The following ERCC6L2 variants were observed in gnomAD, a reference collection of about 807,000 sequenced individuals.
ERCC6L2 encodes the protein DNA excision repair protein ERCC-6-like 2.
ERCC6L2 carries 77 observed loss-of-function variants against 132.0 expected under a neutral mutation model. The ratio of observed to expected loss-of-function variants is 0.58; its 90% CI spans 0.49 to 0.71. The LOEUF (loss-of-function observed/expected upper bound fraction) is 0.71, where lower values mean the gene tolerates loss of function less well. ERCC6L2 is among the 30% of genes least tolerant of loss of function. ERCC6L2 has a pLI of 0.00. For missense variants in ERCC6L2, 1,542 were observed against 1,837.6 expected (o/e 0.84, Z 2.94); for synonymous variants, 583 against 632.4 (o/e 0.92, Z 1.17).
At chr9:95,933,934 C>T (rs1285559992) in intron 11 of ERCC6L2, among the ~76,000 whole-genome samples, 1 of 151,486 alleles carries the variant, frequency 6.6e-6, no homozygotes, top group African/African-American at 2.4e-5. Flanking sequence ...ATAGTAGATG[C>T]TCAATAAAGG....
chr9:95,975,648 G>A (rs1832637145), intron 16 of ERCC6L2, among the ~76,000 whole-genome samples: 1 of 151,780 alleles, frequency 6.6e-6, no homozygotes, highest in Non-Finnish European at 1.5e-5. Context: ...TTGTACCAGT[G>A]TTTTTAGTTA....
chr9:95,903,695 AAGTT>A (rs1240613725), intron 3 of ERCC6L2, among the ~76,000 whole-genome samples: 5 of 152,246 alleles, frequency 3.3e-5, no homozygotes, highest in African/African-American at 1.2e-4. Flanking sequence ...TGTCAGTGCT[AAGTT>A]AGGACTAATA....
At position 96,017,280 on chromosome 9, in the gene ERCC6L2, C is replaced by T. The variant is rs888566460; in HGVS notation, c.*4077C>T. 6.6e-6 allele frequency among the ~76,000 whole-genome samples: 1 copy of T among 152,108 alleles called. No individual in the cohort carries two copies. Among genetic ancestry groups the T allele is most frequent in the Non-Finnish European group, 1.5e-5 (1 of 68,004 alleles). On this transcript the variant is annotated 3_prime_UTR_variant, in exon 19 of 19. Coordinates refer to ENST00000653738, the MANE Select transcript of ERCC6L2 (RefSeq NM_020207.7). ...TGGTATTTGTTGCAGGAGGGAAGAA[C>T]ATCTCACTTTTGCTTGGCTAAAGGG...
At position 96,004,106 on chromosome 9, in the gene ERCC6L2, A is replaced by T. The variant is rs565762763; in HGVS notation, c.3493-414A>T. On this transcript the variant is annotated intron_variant, in intron 17 of 18. Coordinates refer to ENST00000653738, the MANE Select transcript of ERCC6L2 (RefSeq NM_020207.7). Reference sequence around the variant, plus strand: ...TATTACATAAAGATTGGTATTTTTTACATGTCTCCATTAATGAAATTAGAC... The same window carrying T: ...TATTACATAAAGATTGGTATTTTTTTCATGTCTCCATTAATGAAATTAGAC... Among the ~76,000 whole-genome samples, 113 of 152,332 alleles carry T rather than the reference A, an allele frequency of 7.4e-4. 1 individual carries two copies. Among genetic ancestry groups the T allele is most frequent in the Non-Finnish European group, 1.3e-3 (90 of 68,024 alleles).
rs769099334 is a variant in ERCC6L2 at position 95,972,316 on chromosome 9, A to T, written c.2565A>T (p.Leu855=). 1 of 1,294,288 alleles carries T rather than the reference A, an allele frequency of 7.7e-7. No homozygotes were observed. The highest frequency in any genetic ancestry group is 1.3e-5 in the South Asian group (1 of 78,606). The allele number at this position is 1,294,288 out of a possible 1,614,324, so 80.2% of individuals were successfully genotyped here. A position where few individuals can be genotyped will look rare whatever the true frequency, so the allele number is the denominator to read the frequency against. ...AACATCAGAAATTAGATAACATCCT[A>T]AATCCAAAAGAAAAGCATATTTTTT... ...TSKHQKLDNI[L]NPKEKHIFYK... Residue 855 remains leucine, a synonymous_variant, in exon 16 of 19, where the codon CTA becomes CTT. Transcript: ENST00000653738.
chr9:95,954,935 G>C, intron 12 of ERCC6L2: 1 of 467,846 alleles, frequency 2.1e-6, no homozygotes, highest in South Asian at 1.6e-5. Flanking sequence ...AAAGGAGGCA[G>C]AGAGAACATC....
At chr9:95,935,693 T>C (rs1196703946) in intron 11 of ERCC6L2, among the ~76,000 whole-genome samples, 1 of 152,170 alleles carries the variant, frequency 6.6e-6, no homozygotes, top group African/African-American at 2.4e-5. Flanking sequence ...AATGTTTTGG[T>C]CACTTGTGGT....
chr9:95,973,430 A>G (rs1287656247), intron 16 of ERCC6L2, among the ~76,000 whole-genome samples: 1 of 152,154 alleles, frequency 6.6e-6, no homozygotes, highest in Non-Finnish European at 1.5e-5. Context: ...ATCTGTTTTC[A>G]TGCTGCTGAT....
chr9:95,911,136 C>G (rs1002764280), intron 4 of ERCC6L2, among the ~76,000 whole-genome samples: 1 of 152,162 alleles, frequency 6.6e-6, no homozygotes, highest in African/African-American at 2.4e-5. Context: ...CTCAAGTGAT[C>G]CTCCCACCTC....
chr9:95,901,032 C>T (rs1828746754), intron 3 of ERCC6L2, among the ~76,000 whole-genome samples: 2 of 151,338 alleles, frequency 1.3e-5, no homozygotes, highest in South Asian at 4.2e-4. Flanking sequence ...CATGACTGTG[C>T]CACTGCACTC....
In ERCC6L2 at chr9:95,972,589, A is replaced by C. The variant is rs1206188599; in HGVS notation, c.2838A>C (p.Arg946=). 1 of 1,289,684 alleles carries C rather than the reference A, an allele frequency of 7.8e-7. No homozygotes were observed. Among genetic ancestry groups the C allele is most frequent in the East Asian group, 5.6e-5 (1 of 18,012 alleles). The allele number at this position is 1,289,684 out of a possible 1,614,324, so 79.9% of individuals were successfully genotyped here. A position where few individuals can be genotyped will look rare whatever the true frequency, so the allele number is the denominator to read the frequency against. ...TVKTRNNDNS[R]NTDDKRNGII... ...AAACAAGAAATAATGATAATAGTCG[A>C]AACACTGATGACAAAAGAAATGGAA... The change falls in exon 16 of 19, where the codon CGA becomes CGC. Residue 946 remains arginine (R), a synonymous_variant. Coordinates refer to ENST00000653738, the MANE Select transcript of ERCC6L2 (RefSeq NM_020207.7).
rs566739714 is a variant in ERCC6L2 at position 95,940,531 on chromosome 9, G to A, written c.1752-923G>A. ...ATGTTGTTTAGTTTCCAAGTGTGTGGAATTTATTTTGTTGTCCTCCTGAAA... is the reference window on the plus strand; with the variant it reads ...ATGTTGTTTAGTTTCCAAGTGTGTGAAATTTATTTTGTTGTCCTCCTGAAA... On this transcript the variant is annotated intron_variant, in intron 11 of 18. Transcript: ENST00000653738. Among the ~76,000 whole-genome samples, 26 of 152,094 alleles carry A rather than the reference G, an allele frequency of 1.7e-4. No homozygotes were observed. The East Asian group carries it at 4.3e-3, about 25-fold the overall frequency.
intron 17 of ERCC6L2, among the ~76,000 whole-genome samples, chr9:96,002,601 T>C (rs894239044): frequency 2.6e-5 from 4 of 152,046 alleles, no homozygotes; most frequent in African/African-American, 4.8e-5. Context: ...TTTGTATTTT[T>C]TTTTGTAGAG....
intron 17 of ERCC6L2, among the ~76,000 whole-genome samples, chr9:95,988,546 A>T (rs17396553): frequency 0.088 from 13,373 of 152,298 alleles, 668 homozygotes; most frequent in Admixed American, 0.14. Context: ...GTTGCAGATG[A>T]AATAATTGAA....
At chr9:95,965,230 A>G (rs1384051780) in intron 13 of ERCC6L2, among the ~76,000 whole-genome samples, 5 of 152,194 alleles carry the variant, frequency 3.3e-5, no homozygotes, top group African/African-American at 4.8e-5. Context: ...CCAAGGTTCA[A>G]ATTCTAGGAA....
In ERCC6L2 at chr9:95,923,364, C is replaced by T; in HGVS notation, c.1518C>T (p.Tyr506=). The part of the protein sequence containing the change: ...AAFETLSDPK[Y]SGKMKVLQQL... ...TTGAAACACTTTCTGACCCTAAATA[C>T]AGTGGAAAAATGAAGGTAAGTGCTC... The change falls in exon 9 of 19, where the codon TAC becomes TAT. Residue 506 remains tyrosine, a synonymous_variant. Coordinates refer to ENST00000653738, the MANE Select transcript of ERCC6L2 (RefSeq NM_020207.7). 1 of 1,613,356 alleles carries T rather than the reference C, an allele frequency of 6.2e-7. No individual in the cohort carries two copies. The highest frequency in any genetic ancestry group is 8.5e-7 in the Non-Finnish European group (1 of 1,179,598).
intron 18 of ERCC6L2, among the ~76,000 whole-genome samples, chr9:96,007,990 G>C (rs1023869017): frequency 6.6e-6 from 1 of 152,136 alleles, no homozygotes; most frequent in African/African-American, 2.4e-5. Flanking sequence ...TGGCTGGTTG[G>C]AGTATGGCTC....
intron 15 of ERCC6L2, 67 bp from the exon 16 acceptor site, chr9:95,971,866 A>C (rs1218369866): frequency 9.4e-7 from 1 of 1,060,570 alleles, no homozygotes; most frequent in African/African-American, 1.7e-5. Context: ...AAAGTTGAGT[A>C]CTTTTCAGTT....
intron 15 of ERCC6L2, chr9:95,971,654 C>G: frequency 5.6e-6 from 1 of 179,742 alleles, no homozygotes; most frequent in Non-Finnish European, 1.2e-5. Context: ...ATCTTAGAAG[C>G]CAAACACTCC....
Sources: allele counts gnomAD v4.1 joint callset (sites outside exome capture counted in the v4.1 genomes callset), GRCh38; gene constraint gnomAD v4.1.1; transcripts MANE v1.5; gene names NCBI Gene and HGNC (gene_info 2026-07-23, HGNC 2026-07-21).